Variants in ASIC2 observed in about 807,000 individuals in gnomAD.
ASIC2 encodes the protein acid sensing ion channel subunit 2, also known as acid-sensing ion channel 2.
Under a neutral mutation model 57.3 loss-of-function variants are expected in ASIC2, and 25 were observed. The observed-to-expected ratio is 0.44, with a 90% CI of 0.32 to 0.61. The LOEUF (loss-of-function observed/expected upper bound fraction) is 0.61. ASIC2 is among the 20% of genes least tolerant of loss of function. The pLI, the probability that ASIC2 is intolerant of heterozygous loss-of-function variation, is 0.06. For missense variants in ASIC2, 641 were observed against 738.1 expected (o/e 0.87, Z 1.52); for synonymous variants, 319 against 307.5 (o/e 1.04, Z -0.39).
rs151031028 is a variant in ASIC2, at chr17:33,714,250, A to C, written c.555+441728T>G. On this transcript the variant is annotated intron_variant, in intron 1 of 9. Coordinates refer to the ASIC2 transcript ENST00000359872. Reference sequence around the variant, plus strand: ...CATATACAGTACACTTAAGGTACTCAATCAGTCCTAGAGAAACTTACATAA... The same window carrying C: ...CATATACAGTACACTTAAGGTACTCCATCAGTCCTAGAGAAACTTACATAA... 3.4e-3 allele frequency among the ~76,000 whole-genome samples: 517 copies of C among 152,354 alleles called. 2 individuals are homozygous for C. Among genetic ancestry groups the C allele is most frequent in the African/African-American group, 0.012 (492 of 41,588 alleles).
chr17:33,380,397 G>C (rs1909445522), intron 1 of ASIC2, among the ~76,000 whole-genome samples: 1 of 152,082 alleles, frequency 6.6e-6, no homozygotes, highest in South Asian at 2.1e-4. Flanking sequence ...TGTATGCTAG[G>C]CACTCTATGT....
intron 1 of ASIC2, among the ~76,000 whole-genome samples, chr17:33,601,517 A>G (rs1022172569): frequency 1.3e-5 from 2 of 152,182 alleles, no homozygotes; most frequent in African/African-American, 4.8e-5. Flanking sequence ...ACAGGGTGCT[A>G]TTTCTGCAGG....
chr17:33,603,200 G>A (rs1230295119), intron 1 of ASIC2, among the ~76,000 whole-genome samples: 1 of 152,210 alleles, frequency 6.6e-6, no homozygotes, highest in Non-Finnish European at 1.5e-5. Context: ...CAGAGCCCCC[G>A]TTTAGTGTGC....
chr17:33,426,363 A>G (rs1911220289), intron 1 of ASIC2, among the ~76,000 whole-genome samples: 1 of 152,230 alleles, frequency 6.6e-6, no homozygotes, highest in South Asian at 2.1e-4. Context: ...CAGTAGAATG[A>G]TTCAAGGTTA....
intron 1 of ASIC2, among the ~76,000 whole-genome samples, chr17:33,521,574 G>T (rs1045667033): frequency 4.6e-5 from 7 of 152,224 alleles, no homozygotes; most frequent in African/African-American, 1.7e-4. Flanking sequence ...GGGGTCCCGT[G>T]AGAGCCTGCT....
At chr17:34,125,170 T>A (rs1911742554) in intron 1 of ASIC2, among the ~76,000 whole-genome samples, 1 of 151,802 alleles carries the variant, frequency 6.6e-6, no homozygotes, top group East Asian at 1.9e-4. Flanking sequence ...CTCACCACAG[T>A]GCTACTGACA....
chr17:33,155,685 G>T (rs1044795586), intron 1 of ASIC2, among the ~76,000 whole-genome samples: 1 of 150,476 alleles, frequency 6.6e-6, no homozygotes, highest in Non-Finnish European at 1.5e-5. Context: ...TCAGCCTCTC[G>T]AGTAGCTGGG....
chr17:33,658,499 T>C (rs972588356), intron 1 of ASIC2, among the ~76,000 whole-genome samples: 1 of 152,186 alleles, frequency 6.6e-6, no homozygotes, highest in African/African-American at 2.4e-5. Context: ...GGGTAGTTTG[T>C]AAACAACAGA....
chr17:33,506,286 G>A (rs930395565), intron 1 of ASIC2, among the ~76,000 whole-genome samples: 12 of 151,272 alleles, frequency 7.9e-5, no homozygotes, highest in Middle Eastern at 3.4e-3. Flanking sequence ...GGTGGCGGGC[G>A]CCTGTAGTCC....
intron 1 of ASIC2, among the ~76,000 whole-genome samples, chr17:33,925,579 C>T (rs1161484663): frequency 6.6e-6 from 1 of 152,220 alleles, no homozygotes; most frequent in Non-Finnish European, 1.5e-5. Flanking sequence ...CCTCAAAGCC[C>T]CACTCCTACC....
At chr17:33,403,430 C>T (rs1910353701) in intron 1 of ASIC2, among the ~76,000 whole-genome samples, 1 of 152,170 alleles carries the variant, frequency 6.6e-6, no homozygotes, top group African/African-American at 2.4e-5. Context: ...GCTTATCTTG[C>T]ATTTGAAGTA....
intron 1 of ASIC2, among the ~76,000 whole-genome samples, chr17:33,205,430 C>T (rs1418252958): frequency 6.6e-6 from 1 of 152,184 alleles, no homozygotes; most frequent in Non-Finnish European, 1.5e-5. Context: ...AAGCCCTGTA[C>T]ATATATATGT....
At chr17:33,619,450 G>T (rs553577206) in intron 1 of ASIC2, among the ~76,000 whole-genome samples, 1 of 152,218 alleles carries the variant, frequency 6.6e-6, no homozygotes, top group South Asian at 2.1e-4. Flanking sequence ...GGTAGCGGCT[G>T]CTTTGATTGT....
At chr17:33,494,219 T>C (rs12451598) in intron 1 of ASIC2, among the ~76,000 whole-genome samples, 30,158 of 152,162 alleles carry the variant, frequency 0.2, 3,269 homozygotes, top group Non-Finnish European at 0.24. Context: ...TCTGCGTGCC[T>C]GTTGTTTGGG....
intron 1 of ASIC2, among the ~76,000 whole-genome samples, chr17:33,897,412 G>T (rs997880678): frequency 6.6e-6 from 1 of 152,208 alleles, no homozygotes; most frequent in East Asian, 1.9e-4. Flanking sequence ...CAAGGACAAA[G>T]ACCATCTCTT....
intron 1 of ASIC2, among the ~76,000 whole-genome samples, chr17:33,350,934 G>T (rs1202399986): frequency 6.6e-6 from 1 of 152,076 alleles, no homozygotes; most frequent in Non-Finnish European, 1.5e-5. Flanking sequence ...ATCTCTTTCT[G>T]TTCTAACATT....
At chr17:33,175,806 C>T (rs1025960078) in intron 1 of ASIC2, among the ~76,000 whole-genome samples, 2 of 152,146 alleles carry the variant, frequency 1.3e-5, no homozygotes, top group Non-Finnish European at 2.9e-5. Flanking sequence ...TGACCAATCT[C>T]GGCGCTCTCT....
At position 33,959,545 on chromosome 17, in the gene ASIC2, G is replaced by A. The variant is rs138741144; in HGVS notation, c.555+196433C>T. Among the ~76,000 whole-genome samples, 1,284 of 152,314 alleles carry A rather than the reference G, an allele frequency of 8.4e-3. 5 individuals are homozygous for A. The highest frequency in any genetic ancestry group is 0.014 in the Non-Finnish European group (926 of 68,028). On this transcript the variant is annotated intron_variant, in intron 1 of 9. Transcript: ENST00000359872. Reference sequence around the variant, plus strand: ...GCCTTCAGTCTGTTGCCAAAGGCCTGAGAGCCCCTGGCTGACCACTGGTGT... The same window carrying A: ...GCCTTCAGTCTGTTGCCAAAGGCCTAAGAGCCCCTGGCTGACCACTGGTGT...
chr17:33,200,994 G>A (rs537942775), intron 1 of ASIC2, among the ~76,000 whole-genome samples: 18 of 152,222 alleles, frequency 1.2e-4, no homozygotes, highest in Admixed American at 5.2e-4. Context: ...CTTCCCCAGA[G>A]TCACATGGCT....
Sources: gnomAD v4.1 joint callset for allele counts (sites outside exome capture counted in the v4.1 genomes callset) on GRCh38, gnomAD v4.1.1 for gene constraint, MANE v1.5 for transcripts, NCBI Gene and HGNC (gene_info 2026-07-23, HGNC 2026-07-21) for gene names.